NEDD4L: variants seen among roughly 807,000 people sequenced by gnomAD.
NEDD4L encodes the protein NEDD4 like E3 ubiquitin protein ligase.
A neutral mutation model predicts 148.9 loss-of-function variants in NEDD4L; 54 were observed. The observed-to-expected ratio is 0.36, with a 90% CI of 0.29 to 0.45. NEDD4L has a LOEUF of 0.45. NEDD4L is among the 20% of genes least tolerant of loss of function. The probability of loss-of-function intolerance (pLI) is 1.00; values close to 1 mark genes in which losing one functional copy is unlikely to be tolerated. For missense variants in NEDD4L, 856 were observed against 1,233.8 expected, an observed-to-expected ratio of 0.69 and a Z score of 4.59; for synonymous variants, 433 against 440.7, an observed-to-expected ratio of 0.98 and a Z score of 0.22.
Position 58,373,008 on chromosome 18 carries a change from AGT to A in NEDD4L, c.2257-165_2257-164del, listed in dbSNP as rs1225974750. 5.7e-6 allele frequency: 3 copies of A among 527,694 alleles called. No homozygotes were observed. In the Admixed American group the frequency reaches 9.2e-5, roughly 16 times the overall value. The allele number at this position is 527,694 out of a possible 1,614,324, so 32.7% of individuals were successfully genotyped here. A position where few individuals can be genotyped will look rare whatever the true frequency, so the allele number is the denominator to read the frequency against. On this transcript the variant is annotated intron_variant, in intron 23 of 30. Transcript: ENST00000400345. ...CAACTAAAGCAGTTTGTTTGTTTAT[AGT>A]TTAAAGAGGAAGGTTTGGTTTAGGT...
chr18:58,335,020 T>C (rs909070829), intron 12 of NEDD4L, among the ~76,000 whole-genome samples: 5 of 152,212 alleles, frequency 3.3e-5, no homozygotes, highest in African/African-American at 1.2e-4. Flanking sequence ...CTTTCTCTCC[T>C]TTTCAAAATC....
chr18:58,062,028 C>T (rs1413608724), intron 1 of NEDD4L, among the ~76,000 whole-genome samples: 1 of 152,112 alleles, frequency 6.6e-6, no homozygotes, highest in African/African-American at 2.4e-5. Context: ...ACAGAGTTCT[C>T]CTAGTTGAAC....
chr18:58,146,674 G>A lies in NEDD4L; in HGVS notation c.49-19114G>A, dbSNP rs558150405. On this transcript the variant is annotated intron_variant, in intron 1 of 30. Coordinates refer to ENST00000400345, the MANE Select transcript of NEDD4L (RefSeq NM_001144967.3). ...CAAGGAATGGTGGGAGCAATTTGGA[G>A]AAGAATGAAGACTTGGTGCAGTGGC... is the stretch of plus-strand genomic sequence containing the variant. Among the ~76,000 whole-genome samples, 190 of 152,276 alleles carry A rather than the reference G, an allele frequency of 1.2e-3. 1 individual carries two copies. The highest frequency in any genetic ancestry group is 4.4e-3 in the African/African-American group (184 of 41,548).
chr18:58,062,802 C>CCCCAAG (rs2082390952), intron 1 of NEDD4L, among the ~76,000 whole-genome samples: 4 of 152,044 alleles, frequency 2.6e-5, no homozygotes. Context: ...TCTTGGCTAA[C>CCCCAAG]ACGGTGAAAC....
At chr18:58,309,595 C>T (rs1172752367) in intron 5 of NEDD4L, among the ~76,000 whole-genome samples, 2 of 151,840 alleles carry the variant, frequency 1.3e-5, no homozygotes, top group Non-Finnish European at 2.9e-5. Flanking sequence ...CTAAGCACAA[C>T]AGTGCTGCTC....
intron 2 of NEDD4L, among the ~76,000 whole-genome samples, chr18:58,204,049 G>A (rs189967268): frequency 3.9e-4 from 60 of 152,264 alleles, no homozygotes; most frequent in Non-Finnish European, 7.2e-4. Context: ...CTAGCTGGCC[G>A]GGCGTGGTGG....
intron 1 of NEDD4L, among the ~76,000 whole-genome samples, chr18:58,077,480 C>T (rs529887203): frequency 4.6e-5 from 7 of 152,232 alleles, no homozygotes; most frequent in South Asian, 2.1e-4. Flanking sequence ...TGATAGACAT[C>T]GGTACAGTAC....
chr18:58,289,654 G>A (rs1001406258), intron 5 of NEDD4L, among the ~76,000 whole-genome samples: 2 of 152,176 alleles, frequency 1.3e-5, no homozygotes, highest in African/African-American at 4.8e-5. Context: ...TGAAGCAAGA[G>A]AAGCTCTTAG....
At position 58,128,777 on chromosome 18, in the gene NEDD4L, G is replaced by A. The variant is rs150266104; in HGVS notation, c.49-37011G>A. 3.4e-4 allele frequency among the ~76,000 whole-genome samples: 52 copies of A among 152,356 alleles called. No individual in the cohort carries two copies. In the East Asian group the frequency reaches 9.7e-3, roughly 28 times the overall value. ...TGAGCAGCACATTTAAATGCCTGAAGTGTAAGATGAAGTCTCTTGGATGTA... is the reference window on the plus strand; with the variant it reads ...TGAGCAGCACATTTAAATGCCTGAAATGTAAGATGAAGTCTCTTGGATGTA... On this transcript the variant is annotated intron_variant, in intron 1 of 30. Coordinates refer to ENST00000400345, the MANE Select transcript of NEDD4L (RefSeq NM_001144967.3).
At chr18:58,386,498 C>T (rs956740256) in intron 26 of NEDD4L, among the ~76,000 whole-genome samples, 1 of 152,190 alleles carries the variant, frequency 6.6e-6, no homozygotes, top group African/African-American at 2.4e-5. Context: ...AGCTTTTACC[C>T]TGTTACAGAG....
intron 1 of NEDD4L, among the ~76,000 whole-genome samples, chr18:58,066,207 G>A (rs914999362): frequency 3.9e-5 from 6 of 152,078 alleles, no homozygotes; most frequent in African/African-American, 9.7e-5. Context: ...TGGGTAAACC[G>A]TTTTTGGAAG....
chr18:58,053,416 C>T (rs1025102505), intron 1 of NEDD4L, among the ~76,000 whole-genome samples: 6 of 152,222 alleles, frequency 3.9e-5, no homozygotes, highest in East Asian at 1.9e-4. Context: ...TCACGCCATT[C>T]GCCTGCCTCA....
Position 58,390,762 on chromosome 18 carries a change from A to C in NEDD4L, c.2752+20A>C. The C allele has an allele frequency of 6.5e-7, 1 of 1,529,798 alleles. No individual in the cohort carries two copies. Among genetic ancestry groups the C allele is most frequent in the South Asian group, 1.2e-5 (1 of 84,690 alleles). The allele number at this position is 1,529,798 out of a possible 1,614,324, so 94.8% of individuals were successfully genotyped here. A position where few individuals can be genotyped will look rare whatever the true frequency, so the allele number is the denominator to read the frequency against. On this transcript the variant is annotated intron_variant, in intron 29 of 30. Transcript: ENST00000400345. ...TTTATGGTGAGCAGGATACCATTGGATTCAGTTGTCCTCCTGGGAATTTCC... is the reference window on the plus strand; with the variant it reads ...TTTATGGTGAGCAGGATACCATTGGCTTCAGTTGTCCTCCTGGGAATTTCC...
intron 2 of NEDD4L, among the ~76,000 whole-genome samples, chr18:58,167,339 C>T (rs1031424608): frequency 4.6e-5 from 7 of 152,248 alleles, no homozygotes; most frequent in African/African-American, 9.6e-5. Context: ...CTTCCCTTCT[C>T]TTCCCTTTCA....
At chr18:58,263,592 TCA>T (rs2049770530) in intron 5 of NEDD4L, among the ~76,000 whole-genome samples, 3 of 151,110 alleles carry the variant, frequency 2.0e-5, no homozygotes, top group East Asian at 2.0e-4. Context: ...ATTTAATGAC[TCA>T]CACATGTCAT....
At chr18:58,259,692 C>T (rs2049089253) in intron 5 of NEDD4L, among the ~76,000 whole-genome samples, 1 of 152,162 alleles carries the variant, frequency 6.6e-6, no homozygotes, top group Non-Finnish European at 1.5e-5. Flanking sequence ...GTCTTGCTGA[C>T]ACAGTTTGTA....
intron 1 of NEDD4L, among the ~76,000 whole-genome samples, chr18:58,106,583 T>C (rs891147062): frequency 4.6e-5 from 7 of 152,204 alleles, no homozygotes; most frequent in Non-Finnish European, 7.3e-5. Context: ...GCTTCTCTTT[T>C]GTCATCTGTT....
intron 6 of NEDD4L, among the ~76,000 whole-genome samples, chr18:58,321,574 A>G (rs960932886): frequency 2.6e-5 from 4 of 152,266 alleles, no homozygotes; most frequent in African/African-American, 9.6e-5. Flanking sequence ...AGTTTAAAGC[A>G]GAGAATGACA....
chr18:58,338,623 G>A (rs1045850069), intron 13 of NEDD4L, among the ~76,000 whole-genome samples: 8 of 152,154 alleles, frequency 5.3e-5, no homozygotes, highest in Admixed American at 2.6e-4. Flanking sequence ...CTGTATGAAA[G>A]TAACCTGTAT....
Sources: gnomAD v4.1 joint callset for allele counts (sites outside exome capture counted in the v4.1 genomes callset) on GRCh38, gnomAD v4.1.1 for gene constraint, MANE v1.5 for transcripts, NCBI Gene and HGNC (gene_info 2026-07-23, HGNC 2026-07-21) for gene names.